PRKDC: variants seen among roughly 807,000 people sequenced by gnomAD.
The protein encoded by PRKDC is protein kinase, DNA-activated, catalytic subunit, also known as DNA-dependent protein kinase catalytic subunit.
A neutral mutation model predicts 486.9 loss-of-function variants in PRKDC; 82 were observed. That is an observed-to-expected ratio of 0.17 (90% CI 0.14 to 0.20). PRKDC has a LOEUF of 0.20. Ranked by LOEUF, PRKDC falls within the 10% of genes least tolerant of loss-of-function variation. The pLI is 1.00. For missense variants in PRKDC, 4,504 were observed against 5,038.2 expected, an observed-to-expected ratio of 0.89 and a Z score of 3.21; for synonymous variants, 1,895 against 1,837.0, an observed-to-expected ratio of 1.03 and a Z score of -0.81.
intron 7 of PRKDC, among the ~76,000 whole-genome samples, chr8:47,945,836 C>A (rs1482418467): frequency 6.6e-6 from 1 of 152,146 alleles, no homozygotes; most frequent in Admixed American, 6.5e-5. Flanking sequence ...ATTCTCCTGT[C>A]TCAGCCTCCC....
chr8:47,855,127 T>A (rs1474605473), intron 50 of PRKDC, 95 bp downstream of exon 50: 1 of 1,212,308 alleles, frequency 8.2e-7, no homozygotes, highest in East Asian at 2.6e-5. Flanking sequence ...CCTCCTATCA[T>A]TTCATGTAAT....
intron 63 of PRKDC, among the ~76,000 whole-genome samples, chr8:47,826,354 T>C (rs2087737974): frequency 6.6e-6 from 1 of 152,230 alleles, no homozygotes; most frequent in African/African-American, 2.4e-5. Context: ...GAACTATGAT[T>C]CACAGCTACA....
At chr8:47,849,893 T>C (rs1425895880) in intron 52 of PRKDC, among the ~76,000 whole-genome samples, 1 of 152,252 alleles carries the variant, frequency 6.6e-6, no homozygotes, top group Non-Finnish European at 1.5e-5. Flanking sequence ...AGACATATTT[T>C]ATGGTGTTCA....
intron 10 of PRKDC, among the ~76,000 whole-genome samples, chr8:47,941,979 G>C (rs2090452900): frequency 6.6e-6 from 1 of 152,222 alleles, no homozygotes; most frequent in South Asian, 2.1e-4. Context: ...TGGAGGGAGG[G>C]CTGGCCGGCT....
intron 21 of PRKDC, among the ~76,000 whole-genome samples, chr8:47,922,860 C>A (rs2090094029): frequency 6.6e-6 from 1 of 152,062 alleles, no homozygotes; most frequent in Non-Finnish European, 1.5e-5. Context: ...TCCCAGACAC[C>A]CTGGGAACTG....
At chr8:47,796,505 T>C (rs2086988615) in intron 73 of PRKDC, among the ~76,000 whole-genome samples, 1 of 152,184 alleles carries the variant, frequency 6.6e-6, no homozygotes, top group African/African-American at 2.4e-5. Context: ...CACCATTTTC[T>C]ACTGGTCTAT....
intron 22 of PRKDC, among the ~76,000 whole-genome samples, chr8:47,917,857 TA>T (rs2090011105): frequency 6.6e-6 from 1 of 152,218 alleles, no homozygotes; most frequent in Admixed American, 6.5e-5. Flanking sequence ...AAAAATATAT[TA>T]ATTTTTTTTG....
At chr8:47,942,949 G>A (rs1236435831) in intron 10 of PRKDC, among the ~76,000 whole-genome samples, 3 of 152,130 alleles carry the variant, frequency 2.0e-5, no homozygotes, top group African/African-American at 4.8e-5. Flanking sequence ...CAGCCCTTCC[G>A]GCCATCACCT....
At chr8:47,883,907 G>C (rs889621143) in intron 36 of PRKDC, among the ~76,000 whole-genome samples, 7 of 152,240 alleles carry the variant, frequency 4.6e-5, no homozygotes, top group African/African-American at 1.7e-4. Flanking sequence ...GCCTGGAAGC[G>C]CTGTGCAGCG....
intron 32 of PRKDC, among the ~76,000 whole-genome samples, chr8:47,889,846 G>T (rs1158849606): frequency 6.6e-6 from 1 of 152,076 alleles, no homozygotes; most frequent in East Asian, 1.9e-4. Context: ...TTGTAATTTT[G>T]CAAATTGCTA....
chr8:47,885,205 C>T (rs1168689316), intron 36 of PRKDC, among the ~76,000 whole-genome samples: 1 of 152,174 alleles, frequency 6.6e-6, no homozygotes, highest in African/African-American at 2.4e-5. Flanking sequence ...GGCTGGAGTG[C>T]AGTGGGCATG....
At chr8:47,788,424 C>T (rs938301802) in intron 76 of PRKDC, among the ~76,000 whole-genome samples, 1 of 152,230 alleles carries the variant, frequency 6.6e-6, no homozygotes, top group African/African-American at 2.4e-5. Context: ...ACACTTACCA[C>T]ACTTGTCCTA....
chr8:47,879,346 G>T, intron 39 of PRKDC, 145 bp downstream of exon 39: 2 of 705,014 alleles, frequency 2.8e-6, no homozygotes, highest in Non-Finnish European at 4.5e-6. Flanking sequence ...TACAAGCTTT[G>T]TGTAGAAAGA....
intron 42 of PRKDC, 96 bp downstream of exon 42, chr8:47,863,303 A>G: frequency 9.5e-7 from 1 of 1,054,750 alleles, no homozygotes. Flanking sequence ...TCAGTATCTA[A>G]ATAAAATATT....
chr8:47,935,623 G>C (rs1415959907), intron 13 of PRKDC, 109 bp downstream of exon 13: 8 of 1,268,160 alleles, frequency 6.3e-6, no homozygotes, highest in Non-Finnish European at 8.5e-6. Flanking sequence ...GAGTTCAAAA[G>C]TTGTGTCAAA....
chr8:47,798,788 G>A (rs953701372), intron 72 of PRKDC, among the ~76,000 whole-genome samples: 2 of 151,994 alleles, frequency 1.3e-5, no homozygotes, highest in African/African-American at 2.4e-5. Context: ...TGTAGGTCAT[G>A]TTGCTTAGAG....
intron 40 of PRKDC, 65 bp downstream of exon 40, chr8:47,877,659 G>A (rs909243646): frequency 1.0e-5 from 14 of 1,386,512 alleles, no homozygotes; most frequent in Non-Finnish European, 1.3e-5. Context: ...TTGGAACAGA[G>A]AGGATAATTT....
chr8:47,957,166 C>A lies in PRKDC; in HGVS notation c.324+5G>T. ...ATGTAATAAGGTATGTTTTTTAATT[C>A]TTACCTTAATTTCAACAGAGTAAGG... On this transcript the variant is annotated splice_donor_5th_base_variant and intron_variant, in intron 3 of 85. Transcript: ENST00000314191. The A allele has an allele frequency of 6.5e-7, 1 of 1,542,570 alleles. No individual in the cohort carries two copies. The highest frequency in any genetic ancestry group is 8.9e-7 in the Non-Finnish European group (1 of 1,122,356).
Position 47,778,712 on chromosome 8 carries a change from G to A in PRKDC, c.11651+16C>T, listed in dbSNP as rs1208206365. On this transcript the variant is annotated intron_variant, in intron 82 of 85. Transcript: ENST00000314191. ...TGCTGTGATCCCACTAAGGGTGAGG[G>A]CAGAAGGGTACTTACTTTAAGAGAT... is the stretch of plus-strand genomic sequence containing the variant. 1.9e-6 allele frequency: 3 copies of A among 1,613,566 alleles called. No homozygotes were observed. In the South Asian group the frequency reaches 3.3e-5, roughly 18 times the overall value.
Sources: allele counts gnomAD v4.1 joint callset (sites outside exome capture counted in the v4.1 genomes callset), GRCh38; gene constraint gnomAD v4.1.1; transcripts MANE v1.5; gene names NCBI Gene and HGNC (gene_info 2026-07-23, HGNC 2026-07-21).